The following PLCL2 variants were observed in gnomAD, a reference collection of about 807,000 sequenced individuals.
PLCL2 encodes phospholipase C like 2.
PLCL2 carries 4 observed loss-of-function variants against 79.6 expected under a neutral mutation model. The ratio of observed to expected loss-of-function variants is 0.05; its 90% CI spans 0.02 to 0.11. The LOEUF (loss-of-function observed/expected upper bound fraction) is 0.11, where lower values mean the gene tolerates loss of function less well. Among genes scored for constraint, PLCL2 ranks in the 10% least tolerant of loss-of-function variants. The pLI, the probability that PLCL2 is intolerant of heterozygous loss-of-function variation, is 1.00. For missense variants in PLCL2, 895 were observed against 1,291.0 expected, an observed-to-expected ratio of 0.69 and a Z score of 4.70; for synonymous variants, 484 against 457.7, an observed-to-expected ratio of 1.06 and a Z score of -0.73.
At position 16,886,405 on chromosome 3, in the gene PLCL2, G is replaced by A. The variant is rs1480511362; in HGVS notation, c.327+1039G>A. Reference sequence around the variant, plus strand: ...CTGATAACTGGTGGGAGGGCAGAACGTGCCACAGTAAAGAGAGTTGGCAGT... The same window carrying A: ...CTGATAACTGGTGGGAGGGCAGAACATGCCACAGTAAAGAGAGTTGGCAGT... On this transcript the variant is annotated intron_variant, in intron 1 of 5. Transcript: ENST00000615277. The surrounding 1 kb of genome is among the most constrained non-coding windows in gnomAD (Gnocchi z 4.2). Among the ~76,000 whole-genome samples the A allele has an allele frequency of 3.9e-5, 6 of 152,200 alleles. No individual in the cohort carries two copies. The highest frequency in any genetic ancestry group is 1.4e-4 in the African/African-American group (6 of 41,456).
chr3:16,905,389 G>C (rs1415288091), intron 1 of PLCL2, among the ~76,000 whole-genome samples: 1 of 152,146 alleles, frequency 6.6e-6, no homozygotes, highest in Non-Finnish European at 1.5e-5. Flanking sequence ...CAAACACCAG[G>C]CTCCAGTTTC....
At chr3:16,943,075 C>A (rs1200114341) in intron 1 of PLCL2, among the ~76,000 whole-genome samples, 1 of 152,236 alleles carries the variant, frequency 6.6e-6, no homozygotes, top group Non-Finnish European at 1.5e-5. Flanking sequence ...CTTGCTCTCT[C>A]TTTCATGTCC....
chr3:16,964,444 A>C (rs2124972940), intron 1 of PLCL2, among the ~76,000 whole-genome samples: 1 of 152,202 alleles, frequency 6.6e-6, no homozygotes, highest in Non-Finnish European at 1.5e-5. Flanking sequence ...GGTTGGTTCC[A>C]AGTCTTTGCT....
At chr3:16,981,904 T>A (rs1394909980) in intron 1 of PLCL2, among the ~76,000 whole-genome samples, 1 of 152,246 alleles carries the variant, frequency 6.6e-6, no homozygotes, top group South Asian at 2.1e-4. Flanking sequence ...TATGGTGATA[T>A]CTTATCCCAA....
chr3:17,011,160 A>G lies in PLCL2; in HGVS notation c.1814A>G (p.Asn605Ser). ...RMGKENMEQP[N>S]NVPVKRFQLC... ...GGAAAAGAGAACATGGAGCAACCCA[A>G]TAATGTGCCTGTGAAGCGATTTCAG... The change falls in exon 2 of 6, where the codon AAT becomes AGT. Residue 605 changes from asparagine to serine, a missense_variant. Transcript: ENST00000615277. The surrounding 1 kb of genome is among the most constrained non-coding windows in gnomAD (Gnocchi z 7.9). The G allele has an allele frequency of 1.2e-6, 2 of 1,614,198 alleles. No individual in the cohort carries two copies. The highest frequency in any genetic ancestry group is 1.7e-6 in the Non-Finnish European group (2 of 1,180,028).
intron 3 of PLCL2, among the ~76,000 whole-genome samples, chr3:17,037,833 A>C (rs1472250929): frequency 6.6e-6 from 1 of 152,188 alleles, no homozygotes; most frequent in Non-Finnish European, 1.5e-5. Context: ...AGACTTGCTT[A>C]TTCTGAAAAT....
chr3:17,010,528 T>G lies in PLCL2; in HGVS notation c.1182T>G (p.Gly394=), dbSNP rs752740689. ...ACAAATATGAACCATCCAAAGAGGG[T>G]CAGGAAAAGGGCTGGCTCTCCATAG... ...IIHKYEPSKE[G]QEKGWLSIDG... is the part of the protein sequence containing the mutation. Residue 394 remains glycine, a synonymous_variant, in exon 2 of 6, where the codon GGT becomes GGG. Transcript: ENST00000615277. The surrounding 1 kb of genome is among the most constrained non-coding windows in gnomAD (Gnocchi z 5.8). 1.9e-6 allele frequency: 3 copies of G among 1,613,452 alleles called. No individual in the cohort carries two copies. In the South Asian group the frequency reaches 3.3e-5, roughly 18 times the overall value.
intron 1 of PLCL2, among the ~76,000 whole-genome samples, chr3:16,890,042 A>T (rs900498875): frequency 6.6e-6 from 1 of 152,166 alleles, no homozygotes; most frequent in African/African-American, 2.4e-5. Flanking sequence ...GCAACTCCCC[A>T]CTTTACTTTG....
intron 1 of PLCL2, among the ~76,000 whole-genome samples, chr3:17,000,977 T>C (rs1022660255): frequency 3.3e-5 from 5 of 152,266 alleles, no homozygotes; most frequent in African/African-American, 1.2e-4. Context: ...GTTCTATTTT[T>C]AGCTTTTTTG....
intron 1 of PLCL2, among the ~76,000 whole-genome samples, chr3:16,904,306 C>CAAAAAA (rs547582289): frequency 8.6e-6 from 1 of 116,132 alleles, no homozygotes; most frequent in African/African-American, 3.3e-5. Context: ...GAGATCTTGA[C>CAAAAAA]AAAAAAAAAA....
intron 1 of PLCL2, among the ~76,000 whole-genome samples, chr3:16,982,545 G>A (rs2064010126): frequency 6.6e-6 from 1 of 152,200 alleles, no homozygotes; most frequent in Admixed American, 6.5e-5. Flanking sequence ...GAATTGAGAA[G>A]CAAGTGTCAG....
At chr3:16,943,505 A>G (rs139377386) in intron 1 of PLCL2, among the ~76,000 whole-genome samples, 201 of 152,318 alleles carry the variant, frequency 1.3e-3, no homozygotes, top group African/African-American at 4.5e-3. Flanking sequence ...TATTTTTCAG[A>G]TTTTACAAAC....
chr3:17,025,385 A>G (rs1211654010), intron 3 of PLCL2, among the ~76,000 whole-genome samples: 1 of 152,176 alleles, frequency 6.6e-6, no homozygotes, highest in Non-Finnish European at 1.5e-5. Flanking sequence ...GACTGAAGTT[A>G]TATCAGTCAC....
chr3:17,015,487 TA>T (rs1326555749), intron 3 of PLCL2, among the ~76,000 whole-genome samples: 1 of 152,250 alleles, frequency 6.6e-6, no homozygotes, highest in Non-Finnish European at 1.5e-5. Flanking sequence ...TGCATTTTCT[TA>T]ATCACATCCT....
rs575934680 is a variant in PLCL2, at chr3:17,014,894, G to A, written c.3001G>A (p.Val1001Ile). The A allele has an allele frequency of 1.1e-5, 18 of 1,613,798 alleles. No individual in the cohort carries two copies. Among genetic ancestry groups the A allele is most frequent in the Middle Eastern group, 1.7e-4 (1 of 6,054 alleles). The change falls in exon 3 of 6, where the codon GTA (valine) becomes ATA (isoleucine). Residue 1001 changes from valine to isoleucine, a missense_variant. This residue lies in a region of PLCL2 where 298 missense variants were observed against 459.6 expected (regional missense o/e 0.65). Coordinates refer to ENST00000615277, the MANE Select transcript of PLCL2 (RefSeq NM_001144382.2). ...GIVPEVLKKI[V>I]TTYDMMIQSL... Reference sequence around the variant, plus strand: ...TGTGCCGGAGGTTCTGAAGAAGATCGTAACAACTTATGACATGGTGAGTTG... The same window carrying A: ...TGTGCCGGAGGTTCTGAAGAAGATCATAACAACTTATGACATGGTGAGTTG...
intron 2 of PLCL2, 41 bp downstream of exon 2, chr3:17,012,201 A>G (rs188280809): frequency 4.5e-6 from 7 of 1,545,586 alleles, no homozygotes; most frequent in South Asian, 2.4e-5. Context: ...TGGTTTTCCT[A>G]CTTTGTACAT....
At chr3:16,958,782 G>C (rs1326638353) in intron 1 of PLCL2, among the ~76,000 whole-genome samples, 1 of 152,174 alleles carries the variant, frequency 6.6e-6, no homozygotes, top group Non-Finnish European at 1.5e-5. Context: ...TTAATAAACT[G>C]TTGAGAATGC....
At position 17,066,303 on chromosome 3, in the gene PLCL2, C is replaced by T. The variant is rs372876944; in HGVS notation, c.3095-1653C>T. ...TCCCAAAACCAGTGAGGTTCCCATACCTTATTAGCATAACAGGAAGTAGGA... is the reference window on the plus strand; with the variant it reads ...TCCCAAAACCAGTGAGGTTCCCATATCTTATTAGCATAACAGGAAGTAGGA... On this transcript the variant is annotated intron_variant, in intron 4 of 5. Coordinates refer to ENST00000615277, the MANE Select transcript of PLCL2 (RefSeq NM_001144382.2). 6.6e-5 allele frequency among the ~76,000 whole-genome samples: 10 copies of T among 152,234 alleles called. 1 individual carries two copies. The highest frequency in any genetic ancestry group is 6.5e-5 in the Admixed American group (1 of 15,300).
At position 16,885,056 on chromosome 3, in the gene PLCL2, G is replaced by T. The variant is rs1575508426; in HGVS notation, c.17G>T (p.Arg6Leu). 5.5e-6 allele frequency: 2 copies of T among 366,154 alleles called. No individual in the cohort carries two copies. The highest frequency in any genetic ancestry group is 1.3e-4 in the South Asian group (1 of 7,832). The allele number at this position is 366,154 out of a possible 1,614,324, so 22.7% of individuals were successfully genotyped here. A position where few individuals can be genotyped will look rare whatever the true frequency, so the allele number is the denominator to read the frequency against. Residue 6 changes from arginine (R) to leucine (L), a missense_variant, in exon 1 of 6, where the codon CGG becomes CTG. Arg to Leu is a moderately radical substitution (Grantham distance 102). Around this residue, in one of 6 missense-constraint regions of PLCL2, gnomAD observed 110 missense variants for 42.9 expected, o/e 2.56. Transcript: ENST00000615277. ...GGGGCGCCCATGGCGGAGTGCGGCC[G>T]GGGGGGCGCCGCCGGCGGGGCCCTG... MAECG[R>L]GGAAGGALPT...
Sources: allele counts gnomAD v4.1 joint callset (sites outside exome capture counted in the v4.1 genomes callset), GRCh38; gene constraint gnomAD v4.1.1; regional missense constraint gnomAD v4.1.1; non-coding constraint Gnocchi (gnomAD v3.1); transcripts MANE v1.5; gene names NCBI Gene and HGNC (gene_info 2026-07-23, HGNC 2026-07-21).